Variants in HMBOX1 observed in about 807,000 individuals in gnomAD.
HMBOX1 encodes the protein homeobox-containing protein 1.
Under a neutral mutation model 54.5 loss-of-function variants are expected in HMBOX1, and 14 were observed. That is an observed-to-expected ratio of 0.26 (90% CI 0.17 to 0.40). The LOEUF is 0.40. Ranked by LOEUF, HMBOX1 falls within the 10% of genes least tolerant of loss-of-function variation. The pLI, the probability that HMBOX1 is intolerant of heterozygous loss-of-function variation, is 1.00. For synonymous variants in HMBOX1, 160 were observed against 181.0 expected, an observed-to-expected ratio of 0.88 and a Z score of 0.93; for missense variants, 332 against 514.4, an observed-to-expected ratio of 0.65 and a Z score of 3.43.
chr8:29,042,837 AAC>A, intron 6 of HMBOX1: 1 of 361,020 alleles, frequency 2.8e-6, no homozygotes, highest in South Asian at 2.1e-5. Context: ...AGGAAAGATA[AAC>A]AGAGATTGTT....
At chr8:28,962,036 G>T (rs1307307714) in intron 1 of HMBOX1, among the ~76,000 whole-genome samples, 3 of 149,648 alleles carry the variant, frequency 2.0e-5, no homozygotes, top group African/African-American at 7.4e-5. Flanking sequence ...AACCTCCTAA[G>T]TAGCTGGGAT....
chr8:29,001,573 CAAAACAAAACA>C (rs1832669658), intron 4 of HMBOX1, among the ~76,000 whole-genome samples: 1 of 151,600 alleles, frequency 6.6e-6, no homozygotes, highest in African/African-American at 2.4e-5. Context: ...CAAAACAAAA[CAAAACAAAACA>C]AAACAAAACA....
At chr8:28,912,043 C>T (rs530474594) in intron 1 of HMBOX1, among the ~76,000 whole-genome samples, 1 of 152,284 alleles carries the variant, frequency 6.6e-6, no homozygotes, top group Non-Finnish European at 1.5e-5. Context: ...AATCATCTAA[C>T]CAAAGGCTAT....
chr8:28,929,263 G>C (rs903408001), intron 1 of HMBOX1, among the ~76,000 whole-genome samples: 3 of 152,162 alleles, frequency 2.0e-5, no homozygotes, highest in Non-Finnish European at 4.4e-5. Flanking sequence ...AATCTTCATC[G>C]TAAGAGCAGT....
chr8:28,956,149 A>G (rs1824393016), intron 1 of HMBOX1, among the ~76,000 whole-genome samples: 1 of 152,116 alleles, frequency 6.6e-6, no homozygotes, highest in African/African-American at 2.4e-5. Context: ...CCAATGAAAT[A>G]TGGTAGTATG....
intron 4 of HMBOX1, among the ~76,000 whole-genome samples, chr8:28,981,568 C>G (rs1371353945): frequency 2.0e-5 from 3 of 151,808 alleles, no homozygotes; most frequent in Non-Finnish European, 4.4e-5. Flanking sequence ...AGTTTGCCAG[C>G]CTAAAACTAA....
chr8:29,049,139 G>C (rs1341264672), intron 9 of HMBOX1, 91 bp downstream of exon 9: 2 of 1,462,016 alleles, frequency 1.4e-6, no homozygotes, highest in Non-Finnish European at 9.5e-7. Flanking sequence ...CTGATGGGGT[G>C]GGGGAGGGGA....
intron 4 of HMBOX1, among the ~76,000 whole-genome samples, chr8:28,995,384 A>G (rs1403085598): frequency 6.6e-6 from 1 of 152,172 alleles, no homozygotes; most frequent in Non-Finnish European, 1.5e-5. Flanking sequence ...ATATCATTAT[A>G]TGTATATACT....
chr8:28,982,910 C>T (rs1829623868), intron 4 of HMBOX1, among the ~76,000 whole-genome samples: 1 of 152,160 alleles, frequency 6.6e-6, no homozygotes, highest in Non-Finnish European at 1.5e-5. Context: ...AGGCATGAGC[C>T]ACTGTGCCCA....
At chr8:28,982,202 C>T (rs1452422947) in intron 4 of HMBOX1, among the ~76,000 whole-genome samples, 1 of 152,158 alleles carries the variant, frequency 6.6e-6, no homozygotes, top group East Asian at 1.9e-4. Context: ...CACTGCACTC[C>T]AGCCTGGGCG....
intron 6 of HMBOX1, among the ~76,000 whole-genome samples, chr8:29,037,633 A>G (rs1804122549): frequency 6.6e-6 from 1 of 152,202 alleles, no homozygotes; most frequent in Admixed American, 6.5e-5. Flanking sequence ...ATGTAGTTTT[A>G]TACTTTCTCA....
chr8:28,895,401 A>G (rs1388269349), intron 1 of HMBOX1, among the ~76,000 whole-genome samples: 1 of 152,196 alleles, frequency 6.6e-6, no homozygotes, highest in African/African-American at 2.4e-5. Context: ...TAGGCCAGGC[A>G]TGGTGGCTCA....
chr8:29,010,808 T>C (rs1360389743), intron 5 of HMBOX1, among the ~76,000 whole-genome samples: 1 of 152,150 alleles, frequency 6.6e-6, no homozygotes, highest in Non-Finnish European at 1.5e-5. Flanking sequence ...TAGTATCTCT[T>C]TTAGGTTGGA....
At chr8:29,036,630 T>C (rs1196887520) in intron 6 of HMBOX1, among the ~76,000 whole-genome samples, 1 of 152,208 alleles carries the variant, frequency 6.6e-6, no homozygotes, top group African/African-American at 2.4e-5. Flanking sequence ...GTCACATCTT[T>C]GCTTCCAGGA....
At chr8:29,050,650 G>A (rs1806312457) in intron 9 of HMBOX1, 1 of 187,576 alleles carries the variant, frequency 5.3e-6, no homozygotes, top group South Asian at 1.3e-4. Flanking sequence ...TAGCTCACTA[G>A]TATGGCCTTC....
chr8:28,911,956 A>G (rs886722464), intron 1 of HMBOX1, among the ~76,000 whole-genome samples: 1 of 152,198 alleles, frequency 6.6e-6, no homozygotes, highest in Non-Finnish European at 1.5e-5. Context: ...AGTAAAAACT[A>G]TACTTCATAT....
At chr8:28,928,071 G>T (rs894438197) in intron 1 of HMBOX1, among the ~76,000 whole-genome samples, 1 of 150,904 alleles carries the variant, frequency 6.6e-6, no homozygotes. Flanking sequence ...GGAGGTGGAG[G>T]TTGCAGTGAG....
intron 1 of HMBOX1, among the ~76,000 whole-genome samples, chr8:28,905,488 A>G (rs901160304): frequency 1.3e-5 from 2 of 152,228 alleles, no homozygotes; most frequent in Non-Finnish European, 2.9e-5. Context: ...ATCAGGGAGG[A>G]CAGTGATGAT....
At chr8:29,001,107 C>T (rs1023298109) in intron 4 of HMBOX1, among the ~76,000 whole-genome samples, 3 of 152,068 alleles carry the variant, frequency 2.0e-5, no homozygotes, top group Admixed American at 2.0e-4. Flanking sequence ...AAAGCTGGCC[C>T]CCAAAATTTT....
Sources: allele counts gnomAD v4.1 joint callset (sites outside exome capture counted in the v4.1 genomes callset), GRCh38; gene constraint gnomAD v4.1.1; transcripts MANE v1.5; gene names NCBI Gene and HGNC (gene_info 2026-07-23, HGNC 2026-07-21).